Variants in CEP128 observed in about 807,000 individuals in gnomAD.
CEP128 encodes centrosomal protein 128, also known as centrosomal protein 128kDa.
CEP128 carries 132 observed loss-of-function variants against 156.7 expected under a neutral mutation model. That is an observed-to-expected ratio of 0.84 (90% CI 0.73 to 0.97). CEP128 has a LOEUF of 0.97. CEP128 is among the 50% of genes least tolerant of loss of function. The pLI, the probability that CEP128 is intolerant of heterozygous loss-of-function variation, is 0.00. For synonymous variants in CEP128, 469 were observed against 448.9 expected, an observed-to-expected ratio of 1.04 and a Z score of -0.57; for missense variants, 1,252 against 1,281.9, an observed-to-expected ratio of 0.98 and a Z score of 0.36.
At chr14:80,599,748 C>T (rs1156852331) in intron 19 of CEP128, among the ~76,000 whole-genome samples, 1 of 151,498 alleles carries the variant, frequency 6.6e-6, no homozygotes, top group Non-Finnish European at 1.5e-5. Context: ...TAAATATGTA[C>T]AAAAAAACCT....
intron 19 of CEP128, among the ~76,000 whole-genome samples, chr14:80,656,078 T>C (rs1169908127): frequency 3.3e-5 from 5 of 151,468 alleles, no homozygotes; most frequent in Non-Finnish European, 5.9e-5. Flanking sequence ...GCATTCTGGA[T>C]CTGGTCACAG....
At chr14:80,894,154 A>T (rs549616992) in intron 8 of CEP128, among the ~76,000 whole-genome samples, 88 of 152,110 alleles carry the variant, frequency 5.8e-4, no homozygotes, top group African/African-American at 2.1e-3. Context: ...GGAAAATTAA[A>T]CTGGATTAAA....
At chr14:80,681,284 G>T (rs1566853587) in intron 19 of CEP128, among the ~76,000 whole-genome samples, 1 of 152,142 alleles carries the variant, frequency 6.6e-6, no homozygotes, top group African/African-American at 2.4e-5. Flanking sequence ...ATTACAAAAA[G>T]TAGAAATGTC....
intron 14 of CEP128, among the ~76,000 whole-genome samples, chr14:80,482,272 C>A (rs1160629991): frequency 6.6e-6 from 1 of 152,164 alleles, no homozygotes; most frequent in Non-Finnish European, 1.5e-5. Flanking sequence ...ATGTTTAGTA[C>A]GTTGGATAAC....
At chr14:80,518,752 G>A (rs1888606078) in intron 23 of CEP128, among the ~76,000 whole-genome samples, 1 of 152,092 alleles carries the variant, frequency 6.6e-6, no homozygotes, top group Admixed American at 6.5e-5. Context: ...TTTGGAAAAT[G>A]AGGAGGTTTA....
At chr14:80,780,523 C>G (rs1269262561) in intron 15 of CEP128, among the ~76,000 whole-genome samples, 1 of 151,924 alleles carries the variant, frequency 6.6e-6, no homozygotes, top group East Asian at 1.9e-4. Context: ...TCCCAGATCT[C>G]AAGCTTTCAA....
chr14:80,792,576 G>A (rs1204014128), intron 14 of CEP128, among the ~76,000 whole-genome samples, 184 bp downstream of exon 14: 3 of 152,070 alleles, frequency 2.0e-5, no homozygotes, highest in Non-Finnish European at 4.4e-5. Flanking sequence ...CTATGAAAAG[G>A]CTTAAGTAAA....
chr14:80,553,772 A>G (rs563749303), intron 21 of CEP128, among the ~76,000 whole-genome samples: 144 of 152,288 alleles, frequency 9.5e-4, no homozygotes, highest in South Asian at 2.7e-3. Flanking sequence ...CCTGTTTTTT[A>G]TCAAAGAAAT....
intron 19 of CEP128, among the ~76,000 whole-genome samples, chr14:80,681,122 G>A (rs193160051): frequency 1.1e-4 from 16 of 152,124 alleles, no homozygotes; most frequent in African/African-American, 3.9e-4. Context: ...GCCAAAAGAA[G>A]TACACGGTAC....
intron 23 of CEP128, among the ~76,000 whole-genome samples, chr14:80,519,943 C>T (rs1888659659): frequency 6.6e-6 from 1 of 152,150 alleles, no homozygotes. Flanking sequence ...ACTGTTCTCA[C>T]ATTCTCAGTC....
At chr14:80,665,059 T>G (rs1310961976) in intron 19 of CEP128, among the ~76,000 whole-genome samples, 1 of 152,206 alleles carries the variant, frequency 6.6e-6, no homozygotes, top group Non-Finnish European at 1.5e-5. Flanking sequence ...ATAAAGAAAA[T>G]TTGAATTTCT....
intron 2 of CEP128, among the ~76,000 whole-genome samples, chr14:80,950,787 A>G (rs1353279514): frequency 6.6e-6 from 1 of 152,010 alleles, no homozygotes; most frequent in African/African-American, 2.4e-5. Flanking sequence ...CCATAAACAC[A>G]CAAATCCAAG....
chr14:80,515,614 C>T (rs1489147290), intron 23 of CEP128, among the ~76,000 whole-genome samples: 1 of 152,218 alleles, frequency 6.6e-6, no homozygotes, highest in African/African-American at 2.4e-5. Context: ...TTCAGGGCAA[C>T]AGGCTCCTAC....
intron 17 of CEP128, 147 bp downstream of exon 17, chr14:80,761,290 C>A: frequency 3.7e-6 from 2 of 536,294 alleles, no homozygotes; most frequent in South Asian, 3.8e-5. Context: ...ATAGATCCAG[C>A]GCCTTATTCT....
intron 12 of CEP128, among the ~76,000 whole-genome samples, chr14:80,833,008 G>C (rs1363368633): frequency 3.9e-5 from 6 of 152,124 alleles, no homozygotes; most frequent in African/African-American, 1.4e-4. Flanking sequence ...AAATGAATGG[G>C]AGTAGCTGTG....
At chr14:80,793,159 G>A (rs779193031) in intron 13 of CEP128, 49 bp from the exon 14 acceptor site, 1 of 1,435,048 alleles carries the variant, frequency 7.0e-7, no homozygotes, top group South Asian at 1.2e-5. Flanking sequence ...TGTCAAAATT[G>A]GATGTGTAGC....
intron 14 of CEP128, among the ~76,000 whole-genome samples, chr14:80,789,163 G>A (rs1223789224): frequency 6.6e-6 from 1 of 152,120 alleles, no homozygotes; most frequent in South Asian, 2.1e-4. Context: ...AATTGAAGAT[G>A]TGATGAGAAC....
chr14:80,554,803 A>T (rs112187586), intron 21 of CEP128, among the ~76,000 whole-genome samples: 26 of 151,246 alleles, frequency 1.7e-4, no homozygotes, highest in African/African-American at 6.1e-4. Flanking sequence ...TATTTCATTA[A>T]TTTTCAGTCT....
chr14:80,660,788 C>T (rs1463799613), intron 19 of CEP128, among the ~76,000 whole-genome samples: 1 of 152,166 alleles, frequency 6.6e-6, no homozygotes, highest in Non-Finnish European at 1.5e-5. Flanking sequence ...GCAAGTGCTA[C>T]ACTGATTTGG....
Sources: gnomAD v4.1 joint callset for allele counts (sites outside exome capture counted in the v4.1 genomes callset) on GRCh38, gnomAD v4.1.1 for gene constraint, MANE v1.5 for transcripts, NCBI Gene and HGNC (gene_info 2026-07-23, HGNC 2026-07-21) for gene names.